The following TRIQK variants were observed in gnomAD, a reference collection of about 807,000 sequenced individuals.
TRIQK encodes triple QxxK/R motif containing, also known as triple QxxK/R motif-containing protein.
In TRIQK, 10 loss-of-function variants were observed where a neutral mutation model predicts 10.8. That is an observed-to-expected ratio of 0.92 (90% CI 0.57 to 1.57). The LOEUF is 1.57. TRIQK is among the 40% of genes most tolerant of loss of function. TRIQK has a pLI of 0.00. For missense variants in TRIQK, 107 were observed against 97.7 expected, an observed-to-expected ratio of 1.09 and a Z score of -0.40; for synonymous variants, 33 against 33.7, an observed-to-expected ratio of 0.98 and a Z score of 0.07.
At chr8:93,001,735 C>G (rs1210966800) in intron 1 of TRIQK, among the ~76,000 whole-genome samples, 1 of 152,132 alleles carries the variant, frequency 6.6e-6, no homozygotes, top group Non-Finnish European at 1.5e-5. Context: ...GTCATCCAGA[C>G]AGAAAATCAA....
At chr8:92,933,900 G>C (rs1810855945) in intron 2 of TRIQK, among the ~76,000 whole-genome samples, 1 of 152,036 alleles carries the variant, frequency 6.6e-6, no homozygotes, top group Admixed American at 6.6e-5. Flanking sequence ...TTAGCGGCAA[G>C]CATCACTTAT....
intron 3 of TRIQK, among the ~76,000 whole-genome samples, chr8:92,901,091 C>G (rs970761070): frequency 1.3e-5 from 2 of 151,890 alleles, no homozygotes; most frequent in Non-Finnish European, 2.9e-5. Context: ...TGATTTTGTA[C>G]AAAAATCAAC....
intron 2 of TRIQK, among the ~76,000 whole-genome samples, chr8:92,928,859 G>A (rs573571027): frequency 6.6e-6 from 1 of 152,230 alleles, no homozygotes; most frequent in African/African-American, 2.4e-5. Context: ...AGTGCAGTGA[G>A]GTAACCAAAT....
At chr8:93,000,643 T>C (rs1813200946) in intron 1 of TRIQK, among the ~76,000 whole-genome samples, 1 of 151,988 alleles carries the variant, frequency 6.6e-6, no homozygotes, top group African/African-American at 2.4e-5. Flanking sequence ...GAACACACAA[T>C]ATAAAAAGAT....
intron 2 of TRIQK, among the ~76,000 whole-genome samples, chr8:92,931,494 A>G (rs1810723173): frequency 6.6e-6 from 1 of 152,172 alleles, no homozygotes; most frequent in Non-Finnish European, 1.5e-5. Context: ...TTATCATCCC[A>G]AGAAGCATCT....
intron 1 of TRIQK, among the ~76,000 whole-genome samples, chr8:92,994,445 ATT>A (rs556432637): frequency 1.3e-5 from 2 of 151,428 alleles, no homozygotes; most frequent in Non-Finnish European, 2.9e-5. Flanking sequence ...AAATCACATA[ATT>A]TTTTTTCCTC....
chr8:93,011,197 CACACACACAT>C (rs58715485), intron 1 of TRIQK, among the ~76,000 whole-genome samples: 19,091 of 135,268 alleles, frequency 0.14, 1,212 homozygotes, highest in East Asian at 0.19. Context: ...CACACACACA[CACACACACAT>C]ATATATATAT....
At chr8:92,898,247 A>C (rs752662798) in intron 3 of TRIQK, among the ~76,000 whole-genome samples, 10 of 152,114 alleles carry the variant, frequency 6.6e-5, no homozygotes, top group Non-Finnish European at 1.5e-4. Context: ...GAGTTTCCAG[A>C]CTGGTCAAAT....
At position 92,892,061 on chromosome 8, in the gene TRIQK, A is replaced by G; in HGVS notation, c.75T>C (p.Tyr25=). 1 of 1,528,440 alleles carries G rather than the reference A, an allele frequency of 6.5e-7. No individual in the cohort carries two copies. Among genetic ancestry groups the G allele is most frequent in the Non-Finnish European group, 8.8e-7 (1 of 1,140,020 alleles). 94.7% of individuals were successfully genotyped at this position (1,528,440 alleles called of 1,614,324 possible). A position where few individuals can be genotyped will look rare whatever the true frequency, so the allele number is the denominator to read the frequency against. ...CTCGTAAAATAGGTTTAGTTTTTTT[A>G]TAATCCTGTTTACCTAGAAAGAAAT... ...QYRKQIGKQD[Y]KKTKPILRAT... The change falls in exon 4 of 5, where the codon TAT becomes TAC. Residue 25 remains tyrosine (Y), a synonymous_variant. Coordinates refer to ENST00000521988, the MANE Select transcript of TRIQK (RefSeq NM_001171797.2).
At chr8:92,930,020 C>T (rs1302845626) in intron 2 of TRIQK, among the ~76,000 whole-genome samples, 1 of 151,456 alleles carries the variant, frequency 6.6e-6, no homozygotes, top group East Asian at 1.9e-4. Context: ...AAAAGTTGTG[C>T]ACATGTACCC....
chr8:92,981,259 C>A (rs1812983266), intron 1 of TRIQK, among the ~76,000 whole-genome samples: 1 of 151,466 alleles, frequency 6.6e-6, no homozygotes, highest in Non-Finnish European at 1.5e-5. Flanking sequence ...TTTTTGAGGT[C>A]TCTTTGTAGT....
chr8:92,961,628 T>C (rs1227389329), intron 1 of TRIQK, among the ~76,000 whole-genome samples: 1 of 152,238 alleles, frequency 6.6e-6, no homozygotes, highest in African/African-American at 2.4e-5. Flanking sequence ...GGTAATAAAC[T>C]ATAATCCACA....
Position 92,916,998 on chromosome 8 carries a change from T to C in TRIQK, c.-9A>G. On this transcript the variant is annotated 5_prime_UTR_variant, in exon 3 of 5. Transcript: ENST00000521988. ...GCATCTTTTCTACCCATCTTTGATC[T>C]CCAAAATGCCTGCTGAAAAGAAAAC... 6.7e-7 allele frequency: 1 copy of C among 1,497,242 alleles called. No individual in the cohort carries two copies. The highest frequency in any genetic ancestry group is 2.6e-5 in the East Asian group (1 of 38,860). The allele number at this position is 1,497,242 out of a possible 1,614,324, so 92.7% of individuals were successfully genotyped here.
At chr8:92,934,005 C>T (rs1013330675) in intron 2 of TRIQK, among the ~76,000 whole-genome samples, 7 of 152,078 alleles carry the variant, frequency 4.6e-5, no homozygotes, top group Middle Eastern at 3.2e-3. Context: ...GGGAAAGTCA[C>T]TCAGTTCCAC....
intron 2 of TRIQK, among the ~76,000 whole-genome samples, chr8:92,917,440 T>G (rs1216042333): frequency 6.6e-6 from 1 of 152,094 alleles, no homozygotes; most frequent in African/African-American, 2.4e-5. Context: ...TCAAGTATTT[T>G]GTATTTTATT....
chr8:92,958,600 A>G (rs1391770198), intron 1 of TRIQK, among the ~76,000 whole-genome samples: 1 of 152,036 alleles, frequency 6.6e-6, no homozygotes, highest in African/African-American at 2.4e-5. Flanking sequence ...GGATTATAAA[A>G]TTCAAATAAT....
rs144383000 is a variant in TRIQK at position 92,914,231 on chromosome 8, G to C, written c.61+2698C>G. ...TTTTATGTCTTATATTTGCCTTTTAGGTATAGAATGAATGTCCCCCTTCTT... is the reference window on the plus strand; with the variant it reads ...TTTTATGTCTTATATTTGCCTTTTACGTATAGAATGAATGTCCCCCTTCTT... On this transcript the variant is annotated intron_variant, in intron 3 of 4. Coordinates refer to ENST00000521988, the MANE Select transcript of TRIQK (RefSeq NM_001171797.2). Among the ~76,000 whole-genome samples the C allele has an allele frequency of 1.7e-3, 265 of 151,902 alleles. 2 individuals are homozygous for C. The highest frequency in any genetic ancestry group is 6.0e-3 in the African/African-American group (249 of 41,396).
At chr8:92,956,326 T>C (rs1396586049) in intron 1 of TRIQK, among the ~76,000 whole-genome samples, 1 of 151,754 alleles carries the variant, frequency 6.6e-6, no homozygotes, top group Non-Finnish European at 1.5e-5. Flanking sequence ...TTATATGAAA[T>C]GTCCAGAATG....
intron 1 of TRIQK, among the ~76,000 whole-genome samples, chr8:92,987,782 T>C (rs1813051456): frequency 6.6e-6 from 1 of 152,062 alleles, no homozygotes; most frequent in Non-Finnish European, 1.5e-5. Flanking sequence ...AATCTTGTTT[T>C]TGAAGAATAT....
Sources: allele counts gnomAD v4.1 joint callset (sites outside exome capture counted in the v4.1 genomes callset), GRCh38; gene constraint gnomAD v4.1.1; transcripts MANE v1.5; gene names NCBI Gene and HGNC (gene_info 2026-07-23, HGNC 2026-07-21).